EFNB2: variants seen among roughly 807,000 people sequenced by gnomAD.
EFNB2 encodes the protein ephrin-B2.
Under a neutral mutation model 32.1 loss-of-function variants are expected in EFNB2, and 5 were observed. That is an observed-to-expected ratio of 0.16 (90% CI 0.08 to 0.33). The LOEUF is 0.33. Among genes scored for constraint, EFNB2 ranks in the 10% least tolerant of loss-of-function variants. The pLI, the probability that EFNB2 is intolerant of heterozygous loss-of-function variation, is 1.00. For missense variants in EFNB2, 263 were observed against 422.6 expected (o/e 0.62, Z 3.31); for synonymous variants, 168 against 166.5 (o/e 1.01, Z -0.07).
intron 2 of EFNB2, among the ~76,000 whole-genome samples, chr13:106,499,152 G>A (rs760089301): frequency 6.6e-5 from 10 of 151,976 alleles, no homozygotes; most frequent in African/African-American, 1.2e-4. Flanking sequence ...TTTTATACTT[G>A]ATGTAAGTAT....
At chr13:106,501,609 T>G (rs78975795) in intron 2 of EFNB2, among the ~76,000 whole-genome samples, 2 of 151,916 alleles carry the variant, frequency 1.3e-5, no homozygotes, top group Non-Finnish European at 2.9e-5. Flanking sequence ...TTTTTTTTTT[T>G]TGAGACGGAG....
rs1475856856 is a variant in EFNB2 at position 106,535,258 on chromosome 13, G to A, written c.-294C>T. On this transcript the variant is annotated 5_prime_UTR_variant, in exon 1 of 5. Transcript: ENST00000646441. ...ACGGCCGACTCCCGTGCGGCTCCAG[G>A]GTGCCGGGCCGGCCGCGGCTGGCGG... The A allele has an allele frequency of 1.3e-5, 2 of 149,556 alleles. No individual in the cohort carries two copies. The highest frequency in any genetic ancestry group is 2.4e-5 in the African/African-American group (1 of 40,960). 9.3% of individuals were successfully genotyped at this position (149,556 alleles called of 1,614,324 possible). A position where few individuals can be genotyped will look rare whatever the true frequency, so the allele number is the denominator to read the frequency against.
At chr13:106,509,571 T>C (rs774342256) in intron 2 of EFNB2, among the ~76,000 whole-genome samples, 8 of 151,940 alleles carry the variant, frequency 5.3e-5, no homozygotes, top group South Asian at 2.1e-4. Flanking sequence ...TGTACTGATA[T>C]AAAAATTACT....
At chr13:106,526,924 G>A (rs1879719067) in intron 1 of EFNB2, among the ~76,000 whole-genome samples, 1 of 152,224 alleles carries the variant, frequency 6.6e-6, no homozygotes, top group South Asian at 2.1e-4. Context: ...CAGGTTAGGT[G>A]CCCCGCAGGG....
intron 1 of EFNB2, among the ~76,000 whole-genome samples, chr13:106,528,719 GT>G (rs1269511300): frequency 2.0e-5 from 3 of 152,182 alleles, no homozygotes; most frequent in Non-Finnish European, 4.4e-5. Context: ...CCCAATCGTG[GT>G]TTCAATGGCT....
rs1392224093 is a variant in EFNB2 at position 106,534,999 on chromosome 13, C to A, written c.-35G>T. ...ACTCCCAGCTCCGCGCACTCCGGGC[C>A]AAGAAGGGACTGACGGGACGCAGGC... On this transcript the variant is annotated 5_prime_UTR_variant, in exon 1 of 5. Coordinates refer to ENST00000646441, the MANE Select transcript of EFNB2 (RefSeq NM_004093.4). 6.2e-7 allele frequency: 1 copy of A among 1,610,646 alleles called. No individual in the cohort carries two copies. Among genetic ancestry groups the A allele is most frequent in the Admixed American group, 1.7e-5 (1 of 59,698 alleles).
chr13:106,525,328 A>G (rs1879663674), intron 1 of EFNB2, among the ~76,000 whole-genome samples: 1 of 152,216 alleles, frequency 6.6e-6, no homozygotes, highest in Admixed American at 6.5e-5. Flanking sequence ...CTACAGTGGC[A>G]CTTGCCCTAC....
At chr13:106,503,415 A>G (rs1038873989) in intron 2 of EFNB2, among the ~76,000 whole-genome samples, 2 of 152,212 alleles carry the variant, frequency 1.3e-5, no homozygotes, top group African/African-American at 4.8e-5. Context: ...AGCCAGCCTT[A>G]GACACACCTG....
At chr13:106,510,907 G>A (rs1332910644) in intron 2 of EFNB2, among the ~76,000 whole-genome samples, 9 of 152,092 alleles carry the variant, frequency 5.9e-5, no homozygotes, top group Admixed American at 1.3e-4. Context: ...GCTGAGGCAG[G>A]AGAATCACTT....
At chr13:106,500,346 T>C (rs374842996) in intron 2 of EFNB2, among the ~76,000 whole-genome samples, 1 of 152,152 alleles carries the variant, frequency 6.6e-6, no homozygotes, top group African/African-American at 2.4e-5. Flanking sequence ...CACAGAGATG[T>C]GAAACGGGGA....
At chr13:106,531,764 G>GA (rs979512288) in intron 1 of EFNB2, among the ~76,000 whole-genome samples, 3 of 136,988 alleles carry the variant, frequency 2.2e-5, no homozygotes, top group Non-Finnish European at 4.9e-5. Flanking sequence ...GTATTATATA[G>GA]GGAAAAAATT....
intron 1 of EFNB2, among the ~76,000 whole-genome samples, chr13:106,523,479 G>A (rs2138937321): frequency 6.6e-6 from 1 of 152,330 alleles, no homozygotes; most frequent in Admixed American, 6.5e-5. Context: ...ATTGGACAAG[G>A]AGGAGGAAGG....
At chr13:106,511,788 C>T (rs756345387) in intron 2 of EFNB2, among the ~76,000 whole-genome samples, 24 of 152,148 alleles carry the variant, frequency 1.6e-4, no homozygotes, top group African/African-American at 4.3e-4. Flanking sequence ...CTGGGAATGA[C>T]GCTGACGAGA....
At chr13:106,514,471 G>A (rs941010393) in intron 1 of EFNB2, among the ~76,000 whole-genome samples, 10 of 152,130 alleles carry the variant, frequency 6.6e-5, no homozygotes, top group African/African-American at 2.2e-4. Context: ...TTGGGATGAG[G>A]CTAATTTCTT....
chr13:106,526,043 G>A (rs973368878), intron 1 of EFNB2, among the ~76,000 whole-genome samples: 2 of 152,092 alleles, frequency 1.3e-5, no homozygotes, highest in Non-Finnish European at 1.5e-5. Flanking sequence ...CGTCACCTGG[G>A]AGCTTGTTAA....
chr13:106,524,217 G>A (rs1308610286), intron 1 of EFNB2, among the ~76,000 whole-genome samples: 1 of 152,124 alleles, frequency 6.6e-6, no homozygotes, highest in African/African-American at 2.4e-5. Context: ...AATCAAAATG[G>A]ATAATGACAG....
intron 2 of EFNB2, among the ~76,000 whole-genome samples, chr13:106,503,085 G>A (rs1051524989): frequency 6.6e-6 from 1 of 152,122 alleles, no homozygotes; most frequent in African/African-American, 2.4e-5. Context: ...TATTTATGGA[G>A]TTGTTTATTT....
intron 2 of EFNB2, among the ~76,000 whole-genome samples, chr13:106,511,197 C>T (rs1879131775): frequency 6.6e-6 from 1 of 152,164 alleles, no homozygotes; most frequent in Non-Finnish European, 1.5e-5. Context: ...AATAATTACT[C>T]CTTACTAAGT....
intron 2 of EFNB2, among the ~76,000 whole-genome samples, chr13:106,506,926 A>C: frequency 6.6e-6 from 1 of 152,180 alleles, no homozygotes; most frequent in Non-Finnish European, 1.5e-5. Flanking sequence ...TCCAGACCCC[A>C]GACTCTCAAC....
Sources: allele counts gnomAD v4.1 joint callset (sites outside exome capture counted in the v4.1 genomes callset), GRCh38; gene constraint gnomAD v4.1.1; transcripts MANE v1.5; gene names NCBI Gene and HGNC (gene_info 2026-07-23, HGNC 2026-07-21).